VMP1: variants seen among roughly 807,000 people sequenced by gnomAD.
VMP1 encodes the protein ectopic P-granules autophagy protein 3 homolog.
Under a neutral mutation model 56.0 loss-of-function variants are expected in VMP1, and 11 were observed. The ratio of observed to expected loss-of-function variants is 0.20; its 90% CI spans 0.12 to 0.32. The LOEUF (loss-of-function observed/expected upper bound fraction) is 0.32, where lower values mean the gene tolerates loss of function less well. VMP1 is among the 10% of genes least tolerant of loss of function. The pLI, the probability that VMP1 is intolerant of heterozygous loss-of-function variation, is 1.00. For synonymous variants in VMP1, 149 were observed against 165.0 expected (o/e 0.90, Z 0.74); for missense variants, 296 against 490.3 (o/e 0.60, Z 3.74).
intron 5 of VMP1, among the ~76,000 whole-genome samples, chr17:59,745,703 T>C (rs762202494): frequency 6.6e-6 from 1 of 152,220 alleles, no homozygotes; most frequent in Non-Finnish European, 1.5e-5. Context: ...CATTCTCATG[T>C]TCTATTATGT....
chr17:59,810,346 G>A (rs1212758111), intron 8 of VMP1, among the ~76,000 whole-genome samples: 1 of 152,040 alleles, frequency 6.6e-6, no homozygotes, highest in South Asian at 2.1e-4. Context: ...TAGAGACAAG[G>A]TTTCACCATG....
intron 6 of VMP1, among the ~76,000 whole-genome samples, chr17:59,766,887 C>A (rs370974548): frequency 2.9e-4 from 44 of 151,982 alleles, no homozygotes; most frequent in African/African-American, 1.1e-3. Flanking sequence ...TCAAGCAATT[C>A]TCCTGCCTCA....
At chr17:59,745,214 C>T (rs745396275) in intron 5 of VMP1, among the ~76,000 whole-genome samples, 13 of 152,108 alleles carry the variant, frequency 8.5e-5, no homozygotes, top group African/African-American at 2.7e-4. Context: ...TTTGTTATTA[C>T]GTCATAATCT....
At chr17:59,802,250 T>C (rs1192856365) in intron 7 of VMP1, among the ~76,000 whole-genome samples, 1 of 151,788 alleles carries the variant, frequency 6.6e-6, no homozygotes, top group African/African-American at 2.4e-5. Context: ...TAGATACACA[T>C]ATACTTACAT....
At chr17:59,716,420 A>G (rs1162949281) in intron 1 of VMP1, among the ~76,000 whole-genome samples, 1 of 152,220 alleles carries the variant, frequency 6.6e-6, no homozygotes, top group Non-Finnish European at 1.5e-5. Context: ...ACATTTGAAA[A>G]TACTAGGACA....
At chr17:59,828,480 A>G (rs1041130403) in intron 10 of VMP1, among the ~76,000 whole-genome samples, 2 of 152,138 alleles carry the variant, frequency 1.3e-5, no homozygotes, top group African/African-American at 2.4e-5. Flanking sequence ...TCATAATACC[A>G]CTCTGCGTAC....
rs1039323781 is a variant in VMP1 at position 59,743,032 on chromosome 17, C to T, written c.414+4085C>T. Among the ~76,000 whole-genome samples, 11 of 152,244 alleles carry T rather than the reference C, an allele frequency of 7.2e-5. 1 individual carries two copies. The South Asian group carries it at 1.7e-3, about 23-fold the overall frequency. On this transcript the variant is annotated intron_variant, in intron 5 of 11. Coordinates refer to ENST00000262291, the MANE Select transcript of VMP1 (RefSeq NM_030938.5). ...TGCCATAACACCTTTCCCCACCACA[C>T]AGTTTCCTCTACTATTAACATATTG...
At chr17:59,800,889 G>A (rs555172933) in intron 7 of VMP1, among the ~76,000 whole-genome samples, 1 of 152,086 alleles carries the variant, frequency 6.6e-6, no homozygotes, top group African/African-American at 2.4e-5. Context: ...AGACCAGCCT[G>A]GCCAGCATGG....
intron 10 of VMP1, among the ~76,000 whole-genome samples, chr17:59,831,752 CTG>C (rs1158960775): frequency 6.8e-6 from 1 of 146,276 alleles, no homozygotes; most frequent in Non-Finnish European, 1.5e-5. Flanking sequence ...GGTTTCAAGT[CTG>C]TGTTTTTTTC....
intron 5 of VMP1, among the ~76,000 whole-genome samples, chr17:59,744,172 A>G (rs767109861): frequency 2.0e-5 from 3 of 151,688 alleles, no homozygotes; most frequent in African/African-American, 4.8e-5. Flanking sequence ...CTAGAAAGCC[A>G]ATATTTGACC....
chr17:59,738,603 A>C (rs1438735545), intron 4 of VMP1, among the ~76,000 whole-genome samples: 2 of 152,218 alleles, frequency 1.3e-5, no homozygotes, highest in African/African-American at 4.8e-5. Context: ...AAAGTTTAGA[A>C]ACAAGGCTTT....
chr17:59,720,845 C>T (rs147496470), intron 1 of VMP1, among the ~76,000 whole-genome samples: 264 of 151,974 alleles, frequency 1.7e-3, no homozygotes, highest in Non-Finnish European at 3.2e-3. Context: ...TGATGGCAGA[C>T]GCTTGTAATC....
chr17:59,799,145 A>T (rs2037549945), intron 7 of VMP1, among the ~76,000 whole-genome samples: 1 of 152,176 alleles, frequency 6.6e-6, no homozygotes, highest in Non-Finnish European at 1.5e-5. Context: ...GTTTTTAGTT[A>T]TGCCTGCATT....
intron 1 of VMP1, among the ~76,000 whole-genome samples, chr17:59,723,360 C>A (rs558505971): frequency 6.6e-6 from 1 of 152,174 alleles, no homozygotes; most frequent in South Asian, 2.1e-4. Context: ...TAGGACCAGG[C>A]TTTGAAGAAC....
chr17:59,765,572 A>G (rs1255703376), intron 6 of VMP1, among the ~76,000 whole-genome samples: 2 of 152,240 alleles, frequency 1.3e-5, no homozygotes, highest in African/African-American at 4.8e-5. Context: ...ATGTGTTAAT[A>G]CAGTATTGTA....
intron 5 of VMP1, among the ~76,000 whole-genome samples, chr17:59,744,086 G>GTT (rs1378816312): frequency 2.2e-5 from 3 of 138,218 alleles, no homozygotes; most frequent in African/African-American, 8.3e-5. Context: ...ATTTGCTGAG[G>GTT]TTTTTGTTTT....
At chr17:59,755,211 G>A (rs1256248628) in intron 5 of VMP1, among the ~76,000 whole-genome samples, 3 of 151,596 alleles carry the variant, frequency 2.0e-5, no homozygotes, top group African/African-American at 7.3e-5. Flanking sequence ...ACGTTCAAGC[G>A]ATTCTCCTGC....
At chr17:59,755,233 G>A (rs1362526347) in intron 5 of VMP1, among the ~76,000 whole-genome samples, 2 of 151,220 alleles carry the variant, frequency 1.3e-5, no homozygotes, top group East Asian at 1.9e-4. Context: ...TCACCCTCCC[G>A]AATAGTTGGG....
intron 5 of VMP1, among the ~76,000 whole-genome samples, chr17:59,756,588 CT>C (rs564916182): frequency 1.5e-4 from 23 of 152,290 alleles, no homozygotes; most frequent in Admixed American, 1.2e-3. Context: ...CAACTCCAGT[CT>C]TTAGGAATGT....
Sources: allele counts gnomAD v4.1 joint callset (sites outside exome capture counted in the v4.1 genomes callset), GRCh38; gene constraint gnomAD v4.1.1; transcripts MANE v1.5; gene names NCBI Gene and HGNC (gene_info 2026-07-23, HGNC 2026-07-21).